CCDC15: variants seen among roughly 807,000 people sequenced by gnomAD.
CCDC15 encodes coiled-coil domain containing 15, also known as coiled-coil domain-containing protein 15.
A neutral mutation model predicts 114.5 loss-of-function variants in CCDC15; 105 were observed. That is an observed-to-expected ratio of 0.92 (90% CI 0.78 to 1.08). The LOEUF is 1.08. CCDC15 is among the 50% of genes least tolerant of loss of function. CCDC15 has a pLI of 0.00. For missense variants in CCDC15, 1,105 were observed against 1,093.6 expected (o/e 1.01, Z -0.15); for synonymous variants, 334 against 377.8 (o/e 0.88, Z 1.34).
intron 8 of CCDC15, among the ~76,000 whole-genome samples, chr11:124,990,491 T>G (rs1364977175): frequency 6.6e-6 from 1 of 152,194 alleles, no homozygotes; most frequent in Non-Finnish European, 1.5e-5. Context: ...AACCTTCAGT[T>G]TGTAAAAAAC....
chr11:125,003,827 G>C, intron 11 of CCDC15, 40 bp from the exon 12 acceptor site: 1 of 1,197,292 alleles, frequency 8.4e-7, no homozygotes, highest in East Asian at 2.7e-5. Context: ...GGTAGTTTTT[G>C]GTAATTTTGT....
intron 6 of CCDC15, among the ~76,000 whole-genome samples, chr11:124,984,460 C>T (rs554712711): frequency 6.6e-6 from 1 of 152,272 alleles, no homozygotes; most frequent in Admixed American, 6.5e-5. Context: ...CAAGATCGCC[C>T]TGCACTGTTC....
At chr11:124,966,950 A>C (rs1363329268) in intron 4 of CCDC15, among the ~76,000 whole-genome samples, 1 of 152,196 alleles carries the variant, frequency 6.6e-6, no homozygotes, top group South Asian at 2.1e-4. Context: ...TTTCTATAAG[A>C]ATGTTGAATA....
Position 125,003,856 on chromosome 11 carries a change from CT to C in CCDC15, c.2215-9del. On this transcript the variant is annotated splice_polypyrimidine_tract_variant and intron_variant, in intron 11 of 15. Coordinates refer to ENST00000344762, the MANE Select transcript of CCDC15 (RefSeq NM_025004.3). The stretch of plus-strand genomic sequence containing the variant: ...ATTTTGTCACTTTGTGTGACTGGAC[CT>C]TCTTAACAGGCTTATGATAGGTATC... 6.6e-7 allele frequency: 1 copy of C among 1,506,320 alleles called. No individual in the cohort carries two copies. Among genetic ancestry groups the C allele is most frequent in the African/African-American group, 1.5e-5 (1 of 65,108 alleles). 93.3% of individuals were successfully genotyped at this position (1,506,320 alleles called of 1,614,324 possible). A position where few individuals can be genotyped will look rare whatever the true frequency, so the allele number is the denominator to read the frequency against.
chr11:124,969,984 A>G (rs1947852968), intron 4 of CCDC15, among the ~76,000 whole-genome samples: 1 of 151,676 alleles, frequency 6.6e-6, no homozygotes, highest in Non-Finnish European at 1.5e-5. Context: ...AACCTTCCCT[A>G]TTGGTCTAAG....
chr11:124,971,779 G>A (rs1947886806), intron 4 of CCDC15, among the ~76,000 whole-genome samples: 1 of 151,978 alleles, frequency 6.6e-6, no homozygotes, highest in African/African-American at 2.4e-5. Flanking sequence ...GCAACTATTT[G>A]CATTCTTTTA....
chr11:124,971,187 C>T (rs1031841201), intron 4 of CCDC15, among the ~76,000 whole-genome samples: 1 of 151,974 alleles, frequency 6.6e-6, no homozygotes, highest in Non-Finnish European at 1.5e-5. Flanking sequence ...GTTTTGTTGG[C>T]AATGGTTTGT....
chr11:124,961,542 C>T (rs969248862), intron 4 of CCDC15, among the ~76,000 whole-genome samples: 8 of 152,228 alleles, frequency 5.3e-5, no homozygotes, highest in Admixed American at 5.2e-4. Flanking sequence ...TTCTTAGAGA[C>T]GGAGTCTCAC....
At chr11:125,038,128 C>G (rs1948788421) in intron 13 of CCDC15, 1 of 169,816 alleles carries the variant, frequency 5.9e-6, no homozygotes, top group Non-Finnish European at 1.2e-5. Flanking sequence ...CCATGTTGGC[C>G]AGGCTGATCT....
At chr11:125,015,915 G>C (rs889079702) in intron 13 of CCDC15, among the ~76,000 whole-genome samples, 1 of 152,044 alleles carries the variant, frequency 6.6e-6, no homozygotes, top group East Asian at 1.9e-4. Flanking sequence ...TCTAGCCCCC[G>C]GGCAGCTTCT....
At position 124,987,211 on chromosome 11, in the gene CCDC15, C is replaced by T. The variant is rs1948182856; in HGVS notation, c.985C>T (p.Leu329=). Reference sequence around the variant, plus strand: ...ACATTTTGAGGGCCTTCAGGATATTCTGCCAGAAGCCCAGGATTATTTTCT... The same window carrying T: ...ACATTTTGAGGGCCTTCAGGATATTTTGCCAGAAGCCCAGGATTATTTTCT... The part of the protein sequence containing the change: ...QLHFEGLQDI[L]PEAQDYFLEA... Residue 329 remains leucine (L), a synonymous_variant, in exon 8 of 16, where the codon CTG becomes TTG. Transcript: ENST00000344762. 1 of 1,537,476 alleles carries T rather than the reference C, an allele frequency of 6.5e-7. No individual in the cohort carries two copies. The highest frequency in any genetic ancestry group is 1.4e-5 in the African/African-American group (1 of 72,122).
At chr11:125,005,619 G>A (rs1451754945) in intron 13 of CCDC15, among the ~76,000 whole-genome samples, 2 of 152,064 alleles carry the variant, frequency 1.3e-5, no homozygotes, top group Non-Finnish European at 2.9e-5. Flanking sequence ...GGCATTCTAT[G>A]GGTTTTGACA....
intron 13 of CCDC15, among the ~76,000 whole-genome samples, chr11:125,012,196 A>G (rs927450914): frequency 2.0e-5 from 3 of 152,160 alleles, no homozygotes; most frequent in Non-Finnish European, 2.9e-5. Flanking sequence ...CAGAGTATAG[A>G]TGGGCAGTCA....
intron 13 of CCDC15, among the ~76,000 whole-genome samples, chr11:125,036,504 T>C (rs1329822954): frequency 2.6e-5 from 4 of 151,874 alleles, no homozygotes; most frequent in South Asian, 2.1e-4. Context: ...AATATTGATA[T>C]CTTTCTCTAG....
chr11:124,980,488 T>C (rs926111750), intron 6 of CCDC15, among the ~76,000 whole-genome samples: 3 of 152,210 alleles, frequency 2.0e-5, no homozygotes, highest in Non-Finnish European at 4.4e-5. Flanking sequence ...GTTTTCCTGG[T>C]TCAATCTTGG....
intron 12 of CCDC15, 72 bp downstream of exon 12, chr11:125,004,031 C>T: frequency 1.3e-6 from 1 of 792,460 alleles, no homozygotes; most frequent in Non-Finnish European, 1.9e-6. Flanking sequence ...AAATTGGAAA[C>T]AATTTGTTGT....
At chr11:124,974,668 A>G (rs1187512909) in intron 4 of CCDC15, among the ~76,000 whole-genome samples, 1 of 152,160 alleles carries the variant, frequency 6.6e-6, no homozygotes, top group East Asian at 1.9e-4. Context: ...GAAACTAGGA[A>G]TAGAGTCCTA....
chr11:124,987,434 G>T lies in CCDC15; in HGVS notation c.1208G>T (p.Gly403Val). The T allele has an allele frequency of 2.5e-6, 4 of 1,613,906 alleles. No individual in the cohort carries two copies. The highest frequency in any genetic ancestry group is 3.4e-6 in the Non-Finnish European group (4 of 1,179,886). The change falls in exon 8 of 16, where the codon GGG becomes GTG. Residue 403 changes from glycine to valine, a missense_variant. By Grantham distance (109) the Gly-to-Val change is moderately radical. Coordinates refer to ENST00000344762, the MANE Select transcript of CCDC15 (RefSeq NM_025004.3). Reference protein sequence around the residue: ...LKAQSIELEEGSIVLKTQDFL... With the variant: ...LKAQSIELEEVSIVLKTQDFL... The stretch of plus-strand genomic sequence containing the variant: ...GCCCAGAGTATTGAGCTAGAAGAAG[G>T]GAGTATTGTGTTGAAAACCCAGGAT...
chr11:124,986,802 G>A lies in CCDC15; in HGVS notation c.814G>A (p.Gly272Arg), dbSNP rs1393254431. Residue 272 changes from glycine (G) to arginine (R), a missense_variant, in exon 7 of 16, where the codon GGG (glycine) becomes AGG (arginine). Physicochemically the swap from Gly to Arg is moderately radical, Grantham distance 125. Coordinates refer to ENST00000344762, the MANE Select transcript of CCDC15 (RefSeq NM_025004.3). ...ESSSLVTDEK[G>R]KEDLFGRGQQ... The stretch of plus-strand genomic sequence containing the variant: ...TTCATCTCTTGTAACTGATGAGAAA[G>A]GGAAAGAAGATTTGTTTGGGAGAGG... The A allele has an allele frequency of 7.7e-6, 12 of 1,553,204 alleles. No homozygotes were observed. Among genetic ancestry groups the A allele is most frequent in the Non-Finnish European group, 1.0e-5 (12 of 1,147,608 alleles).
Sources: allele counts gnomAD v4.1 joint callset (sites outside exome capture counted in the v4.1 genomes callset), GRCh38; gene constraint gnomAD v4.1.1; transcripts MANE v1.5; gene names NCBI Gene and HGNC (gene_info 2026-07-23, HGNC 2026-07-21).